Variants in RASGRF2 observed in about 807,000 individuals in gnomAD.
RASGRF2 encodes the protein Ras protein specific guanine nucleotide releasing factor 2.
Under a neutral mutation model 151.0 loss-of-function variants are expected in RASGRF2, and 76 were observed. That is an observed-to-expected ratio of 0.50 (90% CI 0.42 to 0.61). The LOEUF is 0.61. Among genes scored for constraint, RASGRF2 ranks in the 20% least tolerant of loss-of-function variants. RASGRF2 has a pLI of 0.00. For synonymous variants in RASGRF2, 504 were observed against 566.5 expected, an observed-to-expected ratio of 0.89 and a Z score of 1.57; for missense variants, 1,148 against 1,564.6, an observed-to-expected ratio of 0.73 and a Z score of 4.49.
intron 23 of RASGRF2, among the ~76,000 whole-genome samples, chr5:81,213,053 A>G (rs954437310): frequency 2.0e-5 from 3 of 152,216 alleles, no homozygotes; most frequent in African/African-American, 7.2e-5. Context: ...CAGCTTGCCT[A>G]TGCCTGTCAT....
intron 1 of RASGRF2, among the ~76,000 whole-genome samples, chr5:81,027,438 T>A (rs1457807327): frequency 6.6e-6 from 1 of 152,218 alleles, no homozygotes; most frequent in Non-Finnish European, 1.5e-5. Flanking sequence ...AAAAAACTCC[T>A]CACCCATTAG....
At position 81,229,727 on chromosome 5, in the gene RASGRF2, C is replaced by A. The variant is rs531449024; in HGVS notation, c.*3957C>A. 6.6e-6 allele frequency: 1 copy of A among 152,192 alleles called. No individual in the cohort carries two copies. Among genetic ancestry groups the A allele is most frequent in the Non-Finnish European group, 1.5e-5 (1 of 68,038 alleles). 9.4% of individuals were successfully genotyped at this position (152,192 alleles called of 1,614,324 possible). A position where few individuals can be genotyped will look rare whatever the true frequency, so the allele number is the denominator to read the frequency against. On this transcript the variant is annotated 3_prime_UTR_variant, in exon 27 of 27. Coordinates refer to ENST00000265080, the MANE Select transcript of RASGRF2 (RefSeq NM_006909.3). ...TGAAAGAGAGCTGGCCTAGGCATCC[C>A]GGCCCTGAGTCCTAGGCCCAGTCTC... is the stretch of plus-strand genomic sequence containing the variant.
At position 81,127,373 on chromosome 5, in the gene RASGRF2, A is replaced by G. The variant is rs1338214299; in HGVS notation, c.2686+210A>G. Among the ~76,000 whole-genome samples the G allele has an allele frequency of 3.9e-5, 6 of 152,074 alleles. No individual in the cohort carries two copies. The East Asian group carries it at 1.2e-3, about 29-fold the overall frequency. ...CCCATCTCTATAAAAAATTTTTAAA[A>G]TTAGCTGGGCATGGTGTTGCATGCC... On this transcript the variant is annotated intron_variant, in intron 17 of 26. Coordinates refer to ENST00000265080, the MANE Select transcript of RASGRF2 (RefSeq NM_006909.3).
intron 13 of RASGRF2, among the ~76,000 whole-genome samples, chr5:81,112,295 C>G (rs116039436): frequency 6.6e-6 from 1 of 152,102 alleles, no homozygotes; most frequent in Non-Finnish European, 1.5e-5. Flanking sequence ...TAACGTTTTA[C>G]GTAATATTCA....
chr5:81,200,967 G>A (rs1284041716), intron 18 of RASGRF2, among the ~76,000 whole-genome samples: 2 of 152,158 alleles, frequency 1.3e-5, no homozygotes, highest in Non-Finnish European at 2.9e-5. Flanking sequence ...GGCGTGGTAC[G>A]TGTTGCAGGC....
chr5:81,119,412 G>A (rs1753244888), intron 15 of RASGRF2, among the ~76,000 whole-genome samples: 1 of 152,184 alleles, frequency 6.6e-6, no homozygotes, highest in African/African-American at 2.4e-5. Flanking sequence ...CAAGATAAAG[G>A]CATTCATTCA....
intron 1 of RASGRF2, among the ~76,000 whole-genome samples, chr5:81,036,316 T>G (rs1750491366): frequency 1.3e-5 from 2 of 152,084 alleles, no homozygotes; most frequent in South Asian, 4.2e-4. Context: ...ACCTTCTGCC[T>G]CCCACTCTCC....
chr5:80,969,417 A>G (rs1747834909), intron 1 of RASGRF2, among the ~76,000 whole-genome samples: 1 of 149,266 alleles, frequency 6.7e-6, no homozygotes, highest in African/African-American at 2.5e-5. Context: ...TACAGGCGTG[A>G]GCCACCACGA....
At chr5:81,149,763 A>G (rs971263252) in intron 17 of RASGRF2, among the ~76,000 whole-genome samples, 1 of 152,138 alleles carries the variant, frequency 6.6e-6, no homozygotes, top group African/African-American at 2.4e-5. Context: ...ATGCATATAT[A>G]TTTCACATAC....
At chr5:81,127,192 A>G in intron 17 of RASGRF2, 29 bp downstream of exon 17, 1 of 1,587,212 alleles carries the variant, frequency 6.3e-7, no homozygotes, top group African/African-American at 1.3e-5. Context: ...ATGTACAGAT[A>G]TGTGACCATT....
At chr5:81,197,806 T>C (rs947902781) in intron 18 of RASGRF2, among the ~76,000 whole-genome samples, 1 of 152,220 alleles carries the variant, frequency 6.6e-6, no homozygotes, top group African/African-American at 2.4e-5. Context: ...TATAAAGATA[T>C]AGTCTATCAG....
chr5:80,981,426 A>C (rs1748296092), intron 1 of RASGRF2, among the ~76,000 whole-genome samples: 2 of 152,034 alleles, frequency 1.3e-5, no homozygotes, highest in Admixed American at 1.3e-4. Context: ...ATGTGCTACA[A>C]CTGAGAGGCA....
intron 1 of RASGRF2, among the ~76,000 whole-genome samples, chr5:80,969,511 C>G (rs545278721): frequency 1.1e-4 from 17 of 150,606 alleles, no homozygotes; most frequent in Admixed American, 4.0e-4. Flanking sequence ...TGCAGTGGCG[C>G]GATCTTGGCT....
chr5:81,175,308 G>A (rs1197034844), intron 17 of RASGRF2, among the ~76,000 whole-genome samples: 1 of 152,172 alleles, frequency 6.6e-6, no homozygotes, highest in East Asian at 1.9e-4. Context: ...CACTTGTAAA[G>A]CTCATAGCAA....
chr5:80,991,066 C>A (rs1400305907), intron 1 of RASGRF2, among the ~76,000 whole-genome samples: 1 of 152,172 alleles, frequency 6.6e-6, no homozygotes, highest in East Asian at 1.9e-4. Context: ...AGTTCACTGA[C>A]AGAATATCTG....
chr5:81,070,635 C>T, intron 4 of RASGRF2, 54 bp downstream of exon 4: 1 of 1,476,250 alleles, frequency 6.8e-7, no homozygotes, highest in Non-Finnish European at 9.4e-7. Context: ...GTCGTCTGTT[C>T]TATGGTGGTG....
chr5:81,191,657 A>C (rs1755154561), intron 18 of RASGRF2, among the ~76,000 whole-genome samples: 1 of 141,552 alleles, frequency 7.1e-6, no homozygotes, highest in Admixed American at 7.4e-5. Flanking sequence ...TACCTAATGG[A>C]AAACACAGCA....
chr5:80,963,731 A>G (rs1157867011), intron 1 of RASGRF2, among the ~76,000 whole-genome samples: 1 of 152,220 alleles, frequency 6.6e-6, no homozygotes, highest in Admixed American at 6.5e-5. Context: ...CTATAGTAAC[A>G]TCATTGCCTG....
At chr5:81,152,880 G>T (rs751526868) in intron 17 of RASGRF2, among the ~76,000 whole-genome samples, 56 of 152,102 alleles carry the variant, frequency 3.7e-4, no homozygotes, top group Non-Finnish European at 7.4e-4. Context: ...CATCAGCTTT[G>T]TTGTCAGGGG....
Sources: gnomAD v4.1 joint callset for allele counts (sites outside exome capture counted in the v4.1 genomes callset) on GRCh38, gnomAD v4.1.1 for gene constraint, MANE v1.5 for transcripts, NCBI Gene and HGNC (gene_info 2026-07-23, HGNC 2026-07-21) for gene names.